The following PSMD6 variants were observed in gnomAD, a reference collection of about 807,000 sequenced individuals.
PSMD6 encodes 26S proteasome non-ATPase regulatory subunit 6.
In PSMD6, 7 loss-of-function variants were observed where a neutral mutation model predicts 44.9. The ratio of observed to expected loss-of-function variants is 0.16; its 90% CI spans 0.09 to 0.29. The LOEUF (loss-of-function observed/expected upper bound fraction) is 0.29. Ranked by LOEUF, PSMD6 falls within the 10% of genes least tolerant of loss-of-function variation. The pLI is 1.00. For synonymous variants in PSMD6, 184 were observed against 172.7 expected, an observed-to-expected ratio of 1.07 and a Z score of -0.51; for missense variants, 420 against 482.6, an observed-to-expected ratio of 0.87 and a Z score of 1.21.
chr3:64,011,030 C>CTGTCT (rs1174578557), intron 6 of PSMD6, 75 bp from the exon 7 acceptor site: 6 of 1,219,512 alleles, frequency 4.9e-6, no homozygotes, highest in Non-Finnish European at 5.8e-6. Flanking sequence ...CATTAAAATA[C>CTGTCT]TGTCTTAAAT....
At chr3:64,020,335 G>A (rs986927200) in intron 2 of PSMD6, among the ~76,000 whole-genome samples, 16 of 152,024 alleles carry the variant, frequency 1.1e-4, no homozygotes, top group African/African-American at 3.9e-4. Context: ...TATAAAAAAC[G>A]AGAGTAAATA....
At chr3:64,020,209 A>G (rs1460360442) in intron 2 of PSMD6, among the ~76,000 whole-genome samples, 1 of 152,212 alleles carries the variant, frequency 6.6e-6, no homozygotes, top group Non-Finnish European at 1.5e-5. Flanking sequence ...AGCCTCTGCT[A>G]ACAAATTTGC....
chr3:64,021,101 C>T (rs1430547736), intron 2 of PSMD6, among the ~76,000 whole-genome samples: 1 of 151,978 alleles, frequency 6.6e-6, no homozygotes, highest in African/African-American at 2.4e-5. Context: ...TTCATTGTCC[C>T]GGCGATTTTG....
intron 6 of PSMD6, chr3:64,012,326 C>CCACTGA (rs2075970979): frequency 6.6e-6 from 1 of 152,028 alleles, no homozygotes; most frequent in Admixed American, 6.6e-5. Flanking sequence ...CATGTGGGAG[C>CCACTGA]CACTGATCTA....
chr3:64,016,454 G>A (rs971642426), intron 5 of PSMD6: 4 of 149,454 alleles, frequency 2.7e-5, no homozygotes, highest in Non-Finnish European at 5.9e-5. Flanking sequence ...GGGTCATGAA[G>A]ATTAAAAAAA....
chr3:64,022,557 A>C (rs1179508368), intron 1 of PSMD6, 34 bp from the exon 2 acceptor site: 1 of 1,610,964 alleles, frequency 6.2e-7, no homozygotes. Context: ...GTGAGTGGGG[A>C]CACTTGTGCC....
At chr3:64,013,405 A>G in intron 6 of PSMD6, 34 bp downstream of exon 6, 1 of 1,505,072 alleles carries the variant, frequency 6.6e-7, no homozygotes, top group East Asian at 2.4e-5. Flanking sequence ...GGCAACTTTA[A>G]AACTTCAATT....
Position 64,010,558 on chromosome 3 carries a change from A to AATGG in PSMD6, c.*109_*110insCCAT. The AATGG allele has an allele frequency of 1.4e-6, 1 of 725,506 alleles. No homozygotes were observed. Among genetic ancestry groups the AATGG allele is most frequent in the South Asian group, 2.3e-5 (1 of 44,406 alleles). 44.9% of individuals were successfully genotyped at this position (725,506 alleles called of 1,614,324 possible). A position where few individuals can be genotyped will look rare whatever the true frequency, so the allele number is the denominator to read the frequency against. ...TTAAGAAAAAAATAAATGGAAAGAAACAACAATGCAGTATTTATTTTATAC... is the reference window on the plus strand; with the variant it reads ...TTAAGAAAAAAATAAATGGAAAGAAAATGGCAACAATGCAGTATTTATTTTATAC... On this transcript the variant is annotated 3_prime_UTR_variant, in exon 8 of 8. Coordinates refer to ENST00000295901, the MANE Select transcript of PSMD6 (RefSeq NM_014814.3).
In PSMD6 at chr3:64,011,319, AAACATGTCAACAGCAATAGTATT is replaced by A. The variant is rs373982251; in HGVS notation, c.996-387_996-365del. On this transcript the variant is annotated intron_variant, in intron 6 of 7. Transcript: ENST00000295901. ...AAATTATGGAACACAGCCCATCAGT[AAACATGTCAACAGCAATAGTATT>A]AACATGTCAACAGCAATAGTATTTA... 7.8e-3 allele frequency: 1,307 copies of A among 167,866 alleles called. 19 individuals carry two copies. Among genetic ancestry groups the A allele is most frequent in the African/African-American group, 0.025 (1,033 of 42,078 alleles). 10.4% of individuals were successfully genotyped at this position (167,866 alleles called of 1,614,324 possible).
rs1437127536 is a variant in PSMD6, at chr3:64,023,288, G to C, written c.132C>G (p.Ala44=). Reference sequence around the variant, plus strand: ...TGCGGGCCTCACTGTTATCGCGGACGGCCGCCATCAGCTCGTCGCGCACGG... The same window carrying C: ...TGCGGGCCTCACTGTTATCGCGGACCGCCGCCATCAGCTCGTCGCGCACGG... ...DAAVRDELMA[A]VRDNNMAPYY... Residue 44 remains alanine (A), a synonymous_variant, in exon 1 of 8, where the codon GCC becomes GCG. Transcript: ENST00000295901. The C allele has an allele frequency of 4.4e-6, 7 of 1,573,454 alleles. No individual in the cohort carries two copies. The highest frequency in any genetic ancestry group is 5.2e-6 in the Non-Finnish European group (6 of 1,159,848).
chr3:64,023,632 C>T (rs1277315226), upstream of PSMD6: 20 of 1,427,016 alleles, frequency 1.4e-5, no homozygotes, highest in Non-Finnish European at 1.7e-5. Flanking sequence ...CTTTTCCACC[C>T]TCAAGGCCCC....
chr3:64,018,427 T>C lies in PSMD6; in HGVS notation c.826+172A>G, dbSNP rs575155139. 1.1e-4 allele frequency: 59 copies of C among 533,860 alleles called. No individual in the cohort carries two copies. The East Asian group carries it at 1.8e-3, about 16-fold the overall frequency. 33.1% of individuals were successfully genotyped at this position (533,860 alleles called of 1,614,324 possible). On this transcript the variant is annotated intron_variant, in intron 5 of 7. Transcript: ENST00000295901. ...CTGGGCCATACAGCAGGCCACAATC[T>C]GATGACCCTTCTTCTAAACAAAACT... is the stretch of plus-strand genomic sequence containing the variant.
chr3:64,020,168 G>C (rs902909052), intron 2 of PSMD6, among the ~76,000 whole-genome samples: 2 of 152,152 alleles, frequency 1.3e-5, no homozygotes, highest in African/African-American at 4.8e-5. Context: ...AGACTAATGA[G>C]ATATGTCAAA....
chr3:64,021,396 T>A (rs974616820), intron 2 of PSMD6, among the ~76,000 whole-genome samples: 11 of 152,158 alleles, frequency 7.2e-5, no homozygotes, highest in African/African-American at 2.2e-4. Context: ...TACACTATGA[T>A]CCTATGTACT....
Position 64,018,562 on chromosome 3 carries a change from G to A in PSMD6, c.826+37C>T, listed in dbSNP as rs371286053. On this transcript the variant is annotated intron_variant, in intron 5 of 7. Transcript: ENST00000295901. ...TTGCACATAGGATCAGGAGTAAGAT[G>A]AAGACAGATAATCAAAAATATCAAC... 9 of 1,436,502 alleles carry A rather than the reference G, an allele frequency of 6.3e-6. No homozygotes were observed. The African/African-American group carries it at 8.6e-5, about 14-fold the overall frequency. The allele number at this position is 1,436,502 out of a possible 1,614,324, so 89.0% of individuals were successfully genotyped here.
chr3:64,023,593 G>A (rs550059058), upstream of PSMD6: 8,703 of 1,411,236 alleles, frequency 6.2e-3, 59 homozygotes, highest in Middle Eastern at 0.026. Context: ...CCCGGCCTGG[G>A]CGCCTGCGCC....
chr3:64,023,855 T>G, upstream of PSMD6: 1 of 1,462,330 alleles, frequency 6.8e-7, no homozygotes, highest in Non-Finnish European at 9.3e-7. Flanking sequence ...ATCATCTTCA[T>G]GCTGCGAGGT....
rs1213077221 is a variant in PSMD6 at position 64,010,766 on chromosome 3, T to TATAAATAAATTCAAGAA, written c.1074-19_1074-3dup. The TATAAATAAATTCAAGAA allele has an allele frequency of 2.5e-6, 4 of 1,598,336 alleles. No homozygotes were observed. The highest frequency in any genetic ancestry group is 2.3e-5 in the East Asian group (1 of 43,480). On this transcript the variant is annotated splice_polypyrimidine_tract_variant and splice_region_variant and intron_variant, in intron 7 of 7. Transcript: ENST00000295901. ...TACTGCCAGTTCTTGCTATCAGGTC[T>TATAAATAAATTCAAGAA]ATAAATAAATTCAAGAAAAAATGAA...
At chr3:64,010,825 T>A in intron 7 of PSMD6, 53 bp downstream of exon 7, 4 of 1,573,772 alleles carry the variant, frequency 2.5e-6, no homozygotes, top group Non-Finnish European at 3.5e-6. Context: ...ATGACAATAG[T>A]TGACCTACTT....
Sources: gnomAD v4.1 joint callset for allele counts (sites outside exome capture counted in the v4.1 genomes callset) on GRCh38, gnomAD v4.1.1 for gene constraint, MANE v1.5 for transcripts, NCBI Gene and HGNC (gene_info 2026-07-23, HGNC 2026-07-21) for gene names.